RBM27: variants seen among roughly 807,000 people sequenced by gnomAD.
The protein encoded by RBM27 is RNA-binding protein 27.
In RBM27, 22 loss-of-function variants were observed where a neutral mutation model predicts 135.3. The ratio of observed to expected loss-of-function variants is 0.16; its 90% CI spans 0.12 to 0.23. The LOEUF is 0.23. Among genes scored for constraint, RBM27 ranks in the 10% least tolerant of loss-of-function variants. The pLI is 1.00. For synonymous variants in RBM27, 481 were observed against 442.4 expected (o/e 1.09, Z -1.10); for missense variants, 1,009 against 1,281.0 (o/e 0.79, Z 3.24).
At chr5:146,282,168 G>T (rs775167584) in intron 19 of RBM27, among the ~76,000 whole-genome samples, 3 of 151,918 alleles carry the variant, frequency 2.0e-5, no homozygotes, top group Non-Finnish European at 4.4e-5. Context: ...AGTACCCCTG[G>T]CTAATTTTTG....
Position 146,261,821 on chromosome 5 carries a change from T to C in RBM27, c.2190+15T>C, listed in dbSNP as rs1313542627. On this transcript the variant is annotated intron_variant, in intron 13 of 20. Transcript: ENST00000265271. ...GTATCCAGAAGGTAATCTGGTTCAC[T>C]GGGAATTAAAGGTCTTTTAGTTACA... The C allele has an allele frequency of 2.5e-6, 4 of 1,613,754 alleles. No individual in the cohort carries two copies. Among genetic ancestry groups the C allele is most frequent in the Non-Finnish European group, 2.5e-6 (3 of 1,179,708 alleles).
intron 8 of RBM27, among the ~76,000 whole-genome samples, chr5:146,246,399 G>A (rs1757623922): frequency 6.6e-6 from 1 of 152,160 alleles, no homozygotes; most frequent in African/African-American, 2.4e-5. Context: ...AATTTAAGAT[G>A]GGAACATGAA....
At chr5:146,207,495 G>A (rs1057321764) in intron 1 of RBM27, among the ~76,000 whole-genome samples, 1 of 151,958 alleles carries the variant, frequency 6.6e-6, no homozygotes, top group Non-Finnish European at 1.5e-5. Context: ...TTACAGGCAT[G>A]AGCCACTGCG....
intron 20 of RBM27, among the ~76,000 whole-genome samples, chr5:146,285,237 G>A (rs1184398612): frequency 6.6e-6 from 1 of 152,004 alleles, no homozygotes; most frequent in African/African-American, 2.4e-5. Flanking sequence ...AATTTATTTT[G>A]CTTTTTTACT....
chr5:146,245,968 G>C (rs1053842390), intron 8 of RBM27, among the ~76,000 whole-genome samples: 24 of 152,132 alleles, frequency 1.6e-4, no homozygotes, highest in Non-Finnish European at 2.6e-4. Context: ...CCTGATTCAT[G>C]TTGTATTAGT....
At chr5:146,254,837 G>T in intron 9 of RBM27, 106 bp from the exon 10 acceptor site, 1 of 1,038,260 alleles carries the variant, frequency 9.6e-7, no homozygotes, top group Admixed American at 2.9e-5. Flanking sequence ...TGATGTATTT[G>T]TTGGAGAATA....
chr5:146,237,495 A>G, intron 8 of RBM27, 63 bp downstream of exon 8: 1 of 1,506,416 alleles, frequency 6.6e-7, no homozygotes, highest in South Asian at 1.2e-5. Flanking sequence ...GTCTCATATC[A>G]GTATAACCCT....
chr5:146,231,826 G>A (rs1044015521), intron 6 of RBM27, among the ~76,000 whole-genome samples: 4 of 151,990 alleles, frequency 2.6e-5, no homozygotes, highest in Non-Finnish European at 5.9e-5. Flanking sequence ...TGTTGGTCAG[G>A]CTTGTCTGGA....
At chr5:146,265,256 A>G (rs531459015) in intron 14 of RBM27, among the ~76,000 whole-genome samples, 82 of 152,350 alleles carry the variant, frequency 5.4e-4, no homozygotes, top group African/African-American at 1.9e-3. Flanking sequence ...TAAATATACA[A>G]CTATATAAAG....
At chr5:146,283,627 G>A (rs1759458759) in intron 19 of RBM27, among the ~76,000 whole-genome samples, 1 of 152,166 alleles carries the variant, frequency 6.6e-6, no homozygotes, top group Non-Finnish European at 1.5e-5. Context: ...AATGTTTGGT[G>A]TTAGGTTATG....
chr5:146,287,394 C>A lies in RBM27; in HGVS notation c.*1364C>A, dbSNP rs1759627073. ...GTTAGATGGAAAAGCAGAGGAGCAA[C>A]ACTACACTGTACTGACCCCTGGGAA... On this transcript the variant is annotated 3_prime_UTR_variant, in exon 21 of 21. Coordinates refer to ENST00000265271, the MANE Select transcript of RBM27 (RefSeq NM_018989.2). 6.6e-6 allele frequency: 1 copy of A among 152,136 alleles called. No homozygotes were observed. The highest frequency in any genetic ancestry group is 2.4e-5 in the African/African-American group (1 of 41,422). 9.4% of individuals were successfully genotyped at this position (152,136 alleles called of 1,614,324 possible).
chr5:146,251,844 C>G lies in RBM27; in HGVS notation c.1413C>G (p.Thr471=), dbSNP rs1238534800. Residue 471 remains threonine, a synonymous_variant, in exon 9 of 21, where the codon ACC becomes ACG. Transcript: ENST00000265271. ...NLMGSSIGYH[T]SVSSPTPLVP... The stretch of plus-strand genomic sequence containing the variant: ...TGGGATCCTCCATTGGATACCATAC[C>G]TCAGTCTCCAGCCCTACCCCTCTGG... 4.3e-6 allele frequency: 7 copies of G among 1,614,056 alleles called. No homozygotes were observed. Among genetic ancestry groups the G allele is most frequent in the Non-Finnish European group, 5.9e-6 (7 of 1,180,038 alleles).
chr5:146,285,851 G>C, intron 20 of RBM27, 96 bp from the exon 21 acceptor site: 1 of 864,238 alleles, frequency 1.2e-6, no homozygotes, highest in Non-Finnish European at 1.8e-6. Context: ...AATCTAGCCT[G>C]GGCTTTGTAT....
chr5:146,206,963 A>G (rs1286199479), intron 1 of RBM27, among the ~76,000 whole-genome samples: 1 of 152,132 alleles, frequency 6.6e-6, no homozygotes, highest in African/African-American at 2.4e-5. Flanking sequence ...CAGATACCAC[A>G]TATATTTTTA....
intron 19 of RBM27, among the ~76,000 whole-genome samples, chr5:146,272,606 C>T (rs749862279): frequency 2.6e-5 from 4 of 151,894 alleles, no homozygotes; most frequent in Non-Finnish European, 5.9e-5. Flanking sequence ...CCTGTAATCC[C>T]AGCTTCTTAG....
intron 17 of RBM27, among the ~76,000 whole-genome samples, chr5:146,270,560 A>G (rs987946594): frequency 1.3e-5 from 2 of 152,338 alleles, no homozygotes; most frequent in African/African-American, 4.8e-5. Context: ...GAGAATGTCA[A>G]CAGTTGTGGA....
intron 19 of RBM27, among the ~76,000 whole-genome samples, chr5:146,274,559 G>A (rs541557879): frequency 5.9e-5 from 9 of 152,278 alleles, no homozygotes; most frequent in South Asian, 4.1e-4. Context: ...ATGAGCCACC[G>A]TGCCCGGCCC....
intron 8 of RBM27, among the ~76,000 whole-genome samples, chr5:146,239,674 TTTGTTATG>T (rs1447188199): frequency 6.6e-6 from 1 of 151,744 alleles, no homozygotes; most frequent in East Asian, 1.9e-4. Flanking sequence ...GAGATGGGGT[TTTGTTATG>T]TTGGCTAGCT....
intron 8 of RBM27, among the ~76,000 whole-genome samples, chr5:146,242,696 C>A (rs757303950): frequency 6.6e-6 from 1 of 152,096 alleles, no homozygotes; most frequent in Non-Finnish European, 1.5e-5. Context: ...TGGTTTCAAT[C>A]GATTCTTCTG....
Sources: allele counts gnomAD v4.1 joint callset (sites outside exome capture counted in the v4.1 genomes callset), GRCh38; gene constraint gnomAD v4.1.1; transcripts MANE v1.5; gene names NCBI Gene and HGNC (gene_info 2026-07-23, HGNC 2026-07-21).